The following RHBG variants were observed in gnomAD, a reference collection of about 807,000 sequenced individuals.
The protein encoded by RHBG is ammonium transporter Rh type B.
In RHBG, 39 loss-of-function variants were observed where a neutral mutation model predicts 40.1. The observed-to-expected ratio is 0.97, with a 90% CI of 0.75 to 1.27. RHBG has a LOEUF of 1.27. Among genes scored for constraint, RHBG ranks in the 50% most tolerant of loss-of-function variants. The pLI is 0.00. For missense variants in RHBG, 549 were observed against 588.1 expected, an observed-to-expected ratio of 0.93 and a Z score of 0.69; for synonymous variants, 237 against 252.5, an observed-to-expected ratio of 0.94 and a Z score of 0.58.
chr1:156,371,156 TTTTC>T (rs1219307333), intron 1 of RHBG: 1 of 433,980 alleles, frequency 2.3e-6, no homozygotes, highest in Non-Finnish European at 4.5e-6. Context: ...CATTACCTTA[TTTTC>T]TTTCTTTTTT....
intron 7 of RHBG, 159 bp downstream of exon 7, chr1:156,382,360 C>G: frequency 9.9e-7 from 1 of 1,011,164 alleles, no homozygotes; most frequent in Non-Finnish European, 1.5e-6. Flanking sequence ...AACCCAGAAA[C>G]TGCCTTCCTG....
intron 6 of RHBG, 40 bp from the exon 7 acceptor site, chr1:156,382,028 G>A: frequency 1.9e-6 from 3 of 1,610,180 alleles, no homozygotes; most frequent in Admixed American, 1.7e-5. Flanking sequence ...AGGTGGTGGG[G>A]AGTGGGCACA....
intron 5 of RHBG, 62 bp downstream of exon 5, chr1:156,381,575 G>T: frequency 6.5e-7 from 1 of 1,526,956 alleles, no homozygotes; most frequent in Non-Finnish European, 8.8e-7. Context: ...GGAGAGGTCT[G>T]AGACCCTCAA....
chr1:156,381,076 AT>A (rs954827078), intron 4 of RHBG, among the ~76,000 whole-genome samples: 1 of 151,948 alleles, frequency 6.6e-6, no homozygotes, highest in Admixed American at 6.6e-5. Flanking sequence ...ATTCCTTTGT[AT>A]TTTTGGTAGA....
In RHBG at chr1:156,382,082, A is replaced by C; in HGVS notation, c.993A>C (p.Ser331=). The change falls in exon 7 of 10, where the codon TCA becomes TCC. Residue 331 remains serine (S), a synonymous_variant. Transcript: ENST00000537040. Reference sequence around the variant, plus strand: ...TTGCCCTCCAGCCCATCCTTGAATCAAAATTCAAAGTCCAAGACACATGTG... The same window carrying C: ...TTGCCCTCCAGCCCATCCTTGAATCCAAATTCAAAGTCCAAGACACATGTG... ...GYKFFTPILE[S]KFKVQDTCGV... is the part of the protein sequence containing the mutation. 1 of 1,610,070 alleles carries C rather than the reference A, an allele frequency of 6.2e-7. No homozygotes were observed. Among genetic ancestry groups the C allele is most frequent in the African/African-American group, 1.3e-5 (1 of 74,884 alleles).
intron 7 of RHBG, 65 bp downstream of exon 7, chr1:156,382,266 T>C: frequency 6.2e-7 from 1 of 1,601,300 alleles, no homozygotes; most frequent in African/African-American, 1.3e-5. Flanking sequence ...TCATTCTCTT[T>C]CACTGTGTGT....
At chr1:156,376,153 A>C (rs1667181410) in intron 1 of RHBG, among the ~76,000 whole-genome samples, 1 of 152,176 alleles carries the variant, frequency 6.6e-6, no homozygotes, top group African/African-American at 2.4e-5. Flanking sequence ...TGACTCTTTA[A>C]AAATTTCAAG....
chr1:156,384,576 C>T lies in RHBG; in HGVS notation c.1284C>T (p.His428=). The part of the protein sequence containing the change: ...PFLDSPPDSQ[H]YEDQVHWQVP... ...TGGACTCCCCCCCAGACTCCCAGCA[C>T]TACGAGGACCAAGTTCACTGGCAGG... Residue 428 remains histidine (H), a synonymous_variant, in exon 9 of 10, where the codon CAC becomes CAT. Transcript: ENST00000537040. The T allele has an allele frequency of 6.3e-7, 1 of 1,583,990 alleles. No homozygotes were observed. The highest frequency in any genetic ancestry group is 2.2e-5 in the East Asian group (1 of 44,498).
chr1:156,379,206 G>A (rs191950602), intron 4 of RHBG, among the ~76,000 whole-genome samples: 247 of 152,044 alleles, frequency 1.6e-3, no homozygotes, highest in African/African-American at 5.8e-3. Context: ...ATGTTGGCCA[G>A]GCTGGTCTCG....
intron 4 of RHBG, among the ~76,000 whole-genome samples, chr1:156,380,303 T>C (rs1667531901): frequency 6.6e-6 from 1 of 151,904 alleles, no homozygotes; most frequent in Non-Finnish European, 1.5e-5. Flanking sequence ...GTTTTCACCA[T>C]GTTGGTTAGG....
chr1:156,374,470 T>G (rs1267271322), intron 1 of RHBG: 3 of 267,870 alleles, frequency 1.1e-5, no homozygotes, highest in African/African-American at 3.0e-5. Context: ...TGAGAGCAAC[T>G]TTTTTTTAGC....
At position 156,378,400 on chromosome 1, in the gene RHBG, G is replaced by A; in HGVS notation, c.673+1G>A. The stretch of plus-strand genomic sequence containing the variant: ...CATTCAGACCTCTTCGCCATGATTG[G>A]TGAGGCCTTCGAGGTGCGGTAGCAG... On this transcript the variant is annotated splice_donor_variant, in intron 4 of 9. Coordinates refer to ENST00000537040, the MANE Select transcript of RHBG (RefSeq NM_020407.5). LOFTEE classifies it high-confidence loss of function. 1.3e-6 allele frequency: 2 copies of A among 1,594,030 alleles called. No homozygotes were observed. Among genetic ancestry groups the A allele is most frequent in the South Asian group, 1.1e-5 (1 of 88,048 alleles).
At position 156,377,933 on chromosome 1, in the gene RHBG, AC is replaced by A; in HGVS notation, c.375-53del. The A allele has an allele frequency of 6.7e-7, 1 of 1,494,374 alleles. No individual in the cohort carries two copies. Among genetic ancestry groups the A allele is most frequent in the Non-Finnish European group, 9.0e-7 (1 of 1,116,592 alleles). 92.6% of individuals were successfully genotyped at this position (1,494,374 alleles called of 1,614,324 possible). On this transcript the variant is annotated intron_variant, in intron 2 of 9. Coordinates refer to ENST00000537040, the MANE Select transcript of RHBG (RefSeq NM_020407.5). The surrounding 1 kb of genome is among the most constrained non-coding windows in gnomAD (Gnocchi z 4.6). The stretch of plus-strand genomic sequence containing the variant: ...TGTCCTGGCTTCATGCCAGGCAGGA[AC>A]CCCGAGGCCAGCCTCTCTGACCCCT...
chr1:156,377,916 C>T lies in RHBG; in HGVS notation c.375-74C>T. ...CACCCACCACATCATGCTGTCCTGG[C>T]TTCATGCCAGGCAGGAACCCCGAGG... is the stretch of plus-strand genomic sequence containing the variant. On this transcript the variant is annotated intron_variant, in intron 2 of 9. Coordinates refer to ENST00000537040, the MANE Select transcript of RHBG (RefSeq NM_020407.5). The surrounding 1 kb of genome is among the most constrained non-coding windows in gnomAD (Gnocchi z 4.6). 7.4e-7 allele frequency: 1 copy of T among 1,350,126 alleles called. No homozygotes were observed. The highest frequency in any genetic ancestry group is 1.5e-5 in the African/African-American group (1 of 68,476). The allele number at this position is 1,350,126 out of a possible 1,614,324, so 83.6% of individuals were successfully genotyped here. A position where few individuals can be genotyped will look rare whatever the true frequency, so the allele number is the denominator to read the frequency against.
In RHBG at chr1:156,377,796, G is replaced by A. The variant is rs573684952; in HGVS notation, c.375-194G>A. ...GAGTCACAGAACCTCCTTGAGACTC[G>A]ACTTCCTCATCTACAAACAGGGCCA... On this transcript the variant is annotated intron_variant, in intron 2 of 9. Transcript: ENST00000537040. The surrounding 1 kb of genome is among the most constrained non-coding windows in gnomAD (Gnocchi z 4.6). Among the ~76,000 whole-genome samples, 3 of 152,186 alleles carry A rather than the reference G, an allele frequency of 2.0e-5. No individual in the cohort carries two copies. Among genetic ancestry groups the A allele is most frequent in the East Asian group, 1.9e-4 (1 of 5,174 alleles).
chr1:156,375,454 CAAAAA>C (rs34882949), intron 1 of RHBG, among the ~76,000 whole-genome samples: 1 of 130,414 alleles, frequency 7.7e-6, no homozygotes, highest in Non-Finnish European at 1.6e-5. Flanking sequence ...GCATATGGCA[CAAAAA>C]AAAAAAAAAA....
In RHBG at chr1:156,369,224, C is replaced by T; in HGVS notation, c.-26C>T. ...GGAATTGTCTGCCAAAGCCTGCGAG[C>T]GCCAGCCGAGATCGCAGCCCAACCC... On this transcript the variant is annotated 5_prime_UTR_variant, in exon 1 of 10. Transcript: ENST00000537040. The T allele has an allele frequency of 2.5e-6, 4 of 1,604,374 alleles. No homozygotes were observed. Among genetic ancestry groups the T allele is most frequent in the Non-Finnish European group, 3.4e-6 (4 of 1,175,928 alleles).
chr1:156,381,227 C>T lies in RHBG; in HGVS notation c.674-120C>T, dbSNP rs1667607253. 1.0e-5 allele frequency: 11 copies of T among 1,048,938 alleles called. No individual in the cohort carries two copies. The South Asian group carries it at 1.3e-4, about 12-fold the overall frequency. 65.0% of individuals were successfully genotyped at this position (1,048,938 alleles called of 1,614,324 possible). On this transcript the variant is annotated intron_variant, in intron 4 of 9. Transcript: ENST00000537040. Reference sequence around the variant, plus strand: ...CAAGGTGGTATTATTATCAATCCCACTGAACATATGAGGAAACTGAGGCTG... The same window carrying T: ...CAAGGTGGTATTATTATCAATCCCATTGAACATATGAGGAAACTGAGGCTG...
chr1:156,383,515 A>T lies in RHBG; in HGVS notation c.1234+646A>T, dbSNP rs559740990. On this transcript the variant is annotated intron_variant, in intron 8 of 9. Coordinates refer to ENST00000537040, the MANE Select transcript of RHBG (RefSeq NM_020407.5). ...GGTCTCAGACTCCTGACCTTAGGTG[A>T]TCCGCCCGCCTCGGCCTCCCAAAGT... 8.5e-5 allele frequency among the ~76,000 whole-genome samples: 13 copies of T among 152,160 alleles called. No homozygotes were observed. The South Asian group carries it at 2.7e-3, about 32-fold the overall frequency.
Sources: allele counts gnomAD v4.1 joint callset (sites outside exome capture counted in the v4.1 genomes callset), GRCh38; gene constraint gnomAD v4.1.1; non-coding constraint Gnocchi (gnomAD v3.1); transcripts MANE v1.5; gene names NCBI Gene and HGNC (gene_info 2026-07-23, HGNC 2026-07-21).